The following USP42 variants were observed in gnomAD, a reference collection of about 807,000 sequenced individuals.
USP42 encodes the protein ubiquitin carboxyl-terminal hydrolase 42.
A neutral mutation model predicts 113.0 loss-of-function variants in USP42; 23 were observed. That is an observed-to-expected ratio of 0.20 (90% CI 0.15 to 0.29). USP42 has a LOEUF of 0.29. Among genes scored for constraint, USP42 ranks in the 10% least tolerant of loss-of-function variants. The pLI, the probability that USP42 is intolerant of heterozygous loss-of-function variation, is 1.00. For synonymous variants in USP42, 933 were observed against 699.0 expected (o/e 1.33, Z -5.28); for missense variants, 2,174 against 1,779.8 (o/e 1.22, Z -3.99).
chr7:6,081,852 T>C, the USP42 span: 2 of 152,188 alleles, frequency 1.3e-5, no homozygotes, highest in Non-Finnish European at 2.9e-5. Flanking sequence ...CCTGAGAGTT[T>C]ACCAGCTGAG....
intron 3 of USP42, among the ~76,000 whole-genome samples, chr7:6,120,828 C>T (rs1351148500): frequency 1.3e-5 from 2 of 152,120 alleles, no homozygotes; most frequent in South Asian, 4.1e-4. Context: ...AAATGATCCA[C>T]CTGCCTCGGC....
chr7:6,111,292 T>C lies in USP42; in HGVS notation c.159T>C (p.Ser53=). 2 of 1,607,580 alleles carry C rather than the reference T, an allele frequency of 1.2e-6. No individual in the cohort carries two copies. The highest frequency in any genetic ancestry group is 8.5e-7 in the Non-Finnish European group (1 of 1,176,652). The change falls in exon 2 of 18, where the codon TCT becomes TCC. Residue 53 remains serine (S), a synonymous_variant. Transcript: ENST00000306177. ...ATGATGTGTCAAATCACACACTTTC[T>C]TTAGGACCAGTACCTGGTGCTGTAG... ...SLNDVSNHTL[S]LGPVPGAVVY...
In USP42 at chr7:6,147,451, G is replaced by C. The variant is rs900837482; in HGVS notation, c.1233-288G>C. On this transcript the variant is annotated intron_variant, in intron 11 of 17. Transcript: ENST00000306177. ...GCAGCAAGACCCTGTCTCAAAAAAA[G>C]GAAAATATAAATAAACAGAAAAGAA... Among the ~76,000 whole-genome samples the C allele has an allele frequency of 4.6e-5, 7 of 152,114 alleles. No homozygotes were observed. The South Asian group carries it at 8.3e-4, about 18-fold the overall frequency.
rs979632576 is a variant in USP42 at position 6,158,312 on chromosome 7, C to T, written c.3944-1138C>T. On this transcript the variant is annotated intron_variant, in intron 16 of 17. Transcript: ENST00000306177. The surrounding 1 kb of genome is among the most constrained non-coding windows in gnomAD (Gnocchi z 4.2). ...AAGCGGAAAATGTTTATTATTGCCC[C>T]TTGACAGAAAGGGTTTGTCACCCCT... is the stretch of plus-strand genomic sequence containing the variant. 2.6e-5 allele frequency among the ~76,000 whole-genome samples: 4 copies of T among 152,224 alleles called. No individual in the cohort carries two copies. Among genetic ancestry groups the T allele is most frequent in the Non-Finnish European group, 4.4e-5 (3 of 68,036 alleles).
chr7:6,156,091 G>T (rs1209316551), intron 15 of USP42, among the ~76,000 whole-genome samples: 1 of 152,182 alleles, frequency 6.6e-6, no homozygotes, highest in Non-Finnish European at 1.5e-5. Flanking sequence ...TCTTGAAAAT[G>T]ACGTATCCAT....
At chr7:6,102,035 G>A (rs188933750), upstream of USP42, among the ~76,000 whole-genome samples, 5 of 150,334 alleles carry the variant, frequency 3.3e-5, no homozygotes, top group Non-Finnish European at 5.9e-5. Context: ...ACTGTTCTAG[G>A]AGACAGGGTG....
chr7:6,109,087 A>G (rs1356675433), intron 1 of USP42, among the ~76,000 whole-genome samples: 2 of 152,190 alleles, frequency 1.3e-5, no homozygotes, highest in South Asian at 4.1e-4. Context: ...AGGGGTTTCT[A>G]ACCCCGTCTT....
chr7:6,147,262 A>C (rs953997046), intron 11 of USP42, among the ~76,000 whole-genome samples: 5 of 152,108 alleles, frequency 3.3e-5, no homozygotes, highest in African/African-American at 1.2e-4. Context: ...AATTAGAAAA[A>C]TATAAGCCTG....
chr7:6,140,220 A>G, intron 6 of USP42, 25 bp downstream of exon 6: 3 of 1,589,962 alleles, frequency 1.9e-6, no homozygotes, highest in Non-Finnish European at 2.6e-6. Context: ...ATAAGTTGAT[A>G]AAATGATACA....
In USP42 at chr7:6,159,578, G is replaced by T; in HGVS notation, c.*36+85G>T. ...AGAGGAGTTTTAATTCTGCGGCTCT[G>T]CCTGGGGGCTGGGCTCATAGGAGTT... On this transcript the variant is annotated intron_variant, in intron 17 of 17. Transcript: ENST00000306177. The surrounding 1 kb of genome is among the most constrained non-coding windows in gnomAD (Gnocchi z 4.1). The T allele has an allele frequency of 7.2e-7, 1 of 1,391,672 alleles. No homozygotes were observed. The highest frequency in any genetic ancestry group is 1.0e-6 in the Non-Finnish European group (1 of 994,078). 86.2% of individuals were successfully genotyped at this position (1,391,672 alleles called of 1,614,324 possible). A position where few individuals can be genotyped will look rare whatever the true frequency, so the allele number is the denominator to read the frequency against.
chr7:6,099,696 C>T, the USP42 span, among the ~76,000 whole-genome samples: 2 of 150,300 alleles, frequency 1.3e-5, no homozygotes, highest in Non-Finnish European at 2.9e-5. Context: ...GGCACAGTGG[C>T]TCATGCCTGT....
chr7:6,139,228 TG>T lies in USP42; in HGVS notation c.656+38del. 6.9e-7 allele frequency: 1 copy of T among 1,450,536 alleles called. No homozygotes were observed. 89.9% of individuals were successfully genotyped at this position (1,450,536 alleles called of 1,614,324 possible). On this transcript the variant is annotated intron_variant, in intron 5 of 17. Transcript: ENST00000306177. This position sits in a 1 kb window ranked among gnomAD's most constrained non-coding sequence, Gnocchi z 4.5. ...AACAGAGCGCCAGCCATGTCTTCAT[TG>T]GGGATCTCTGGTTGTAGTTTATTCT...
In USP42 at chr7:6,153,852, C is replaced by G. The variant is rs1782218079; in HGVS notation, c.2298C>G (p.Ala766=). The G allele has an allele frequency of 1.3e-6, 2 of 1,548,876 alleles. No individual in the cohort carries two copies. Among genetic ancestry groups the G allele is most frequent in the African/African-American group, 1.4e-5 (1 of 72,632 alleles). ...AATCCCTGGAGGAGCCAGATGCGGC[C>G]GCCGGCCTCAGCAGCACCAAGAAGG... is the stretch of plus-strand genomic sequence containing the variant. ...AAESLEEPDA[A]AGLSSTKKAP... Residue 766 remains alanine (A), a synonymous_variant, in exon 15 of 18, where the codon GCC becomes GCG. Transcript: ENST00000306177.
intron 8 of USP42, among the ~76,000 whole-genome samples, chr7:6,143,476 G>T (rs1475185612): frequency 6.6e-6 from 1 of 152,082 alleles, no homozygotes; most frequent in Admixed American, 6.6e-5. Flanking sequence ...CTCTAATTTT[G>T]ATCATTCATT....
At chr7:6,141,751 G>T (rs953468100) in intron 7 of USP42, among the ~76,000 whole-genome samples, 5 of 151,880 alleles carry the variant, frequency 3.3e-5, no homozygotes, top group Non-Finnish European at 7.4e-5. Context: ...TAATTTTTTT[G>T]TTGTTTTTGA....
At chr7:6,122,870 C>G (rs570958376) in intron 3 of USP42, among the ~76,000 whole-genome samples, 37 of 151,988 alleles carry the variant, frequency 2.4e-4, no homozygotes, top group Middle Eastern at 6.8e-3. Flanking sequence ...GGCGCCCAGG[C>G]TAGAGTGCAG....
the USP42 span, among the ~76,000 whole-genome samples, chr7:6,092,175 TCTC>T: frequency 7.6e-6 from 1 of 132,070 alleles, no homozygotes; most frequent in Non-Finnish European, 1.6e-5. Flanking sequence ...TTCTTCTTCT[TCTC>T]TTTTTTTTTT....
chr7:6,093,104 A>T, the USP42 span: 1 of 150,296 alleles, frequency 6.7e-6, no homozygotes, highest in Non-Finnish European at 1.5e-5. Flanking sequence ...CACTCTGAGT[A>T]AACGGAAGGT....
chr7:6,149,820 C>T lies in USP42; in HGVS notation c.1624C>T (p.His542Tyr). The change falls in exon 13 of 18, where the codon CAT becomes TAT. Residue 542 changes from histidine to tyrosine, a missense_variant. Physicochemically the swap from His to Tyr is moderately conservative, Grantham distance 83. Coordinates refer to ENST00000306177, the MANE Select transcript of USP42 (RefSeq NM_032172.3). The stretch of plus-strand genomic sequence containing the variant: ...CCAGTGTCAGTCTCAACCTAACCTT[C>T]ATAGTAATTCTTTGGAGAACCCTAC... ...VRQCQSQPNL[H>Y]SNSLENPTKP... 1.2e-6 allele frequency: 2 copies of T among 1,614,054 alleles called. No individual in the cohort carries two copies. The highest frequency in any genetic ancestry group is 8.5e-7 in the Non-Finnish European group (1 of 1,179,904).
Sources: gnomAD v4.1 joint callset for allele counts (sites outside exome capture counted in the v4.1 genomes callset) on GRCh38, gnomAD v4.1.1 for gene constraint, Gnocchi (gnomAD v3.1) non-coding constraint, MANE v1.5 for transcripts, NCBI Gene and HGNC (gene_info 2026-07-23, HGNC 2026-07-21) for gene names.